The following CPNE1 variants were observed in gnomAD, a reference collection of about 807,000 sequenced individuals.
CPNE1 encodes copine 1, also known as copine-1.
A neutral mutation model predicts 63.2 loss-of-function variants in CPNE1; 58 were observed. The observed-to-expected ratio is 0.92, with a 90% CI of 0.74 to 1.14. The LOEUF (loss-of-function observed/expected upper bound fraction) is 1.14, where lower values mean the gene tolerates loss of function less well. CPNE1 is among the 50% of genes most tolerant of loss of function. The pLI is 0.00. For missense variants in CPNE1, 672 were observed against 661.7 expected, an observed-to-expected ratio of 1.02 and a Z score of -0.17; for synonymous variants, 237 against 249.0, an observed-to-expected ratio of 0.95 and a Z score of 0.45.
intron 1 of CPNE1, chr20:35,653,514 G>A: frequency 6.2e-7 from 1 of 1,614,194 alleles, no homozygotes; most frequent in Non-Finnish European, 8.5e-7. Flanking sequence ...TACGGTGTAA[G>A]CGTTCAGACT....
At position 35,626,352 on chromosome 20, in the gene CPNE1, C is replaced by G. The variant is rs767467289; in HGVS notation, c.1503G>C (p.Val501=). ...NAPREALAQT[V]LAEVPTQLVS... ...CCAGTTGTGTGGGCACTTCTGCGAG[C>G]ACGGTCTGTGCCAATGCCTCCCGAG... Residue 501 remains valine, a synonymous_variant, in exon 16 of 16, where the codon GTG becomes GTC. Coordinates refer to ENST00000397443, the MANE Select transcript of CPNE1 (RefSeq NM_152925.3). 2 of 1,614,124 alleles carry G rather than the reference C, an allele frequency of 1.2e-6. No individual in the cohort carries two copies. Among genetic ancestry groups the G allele is most frequent in the South Asian group, 1.1e-5 (1 of 91,082 alleles).
chr20:35,652,388 G>A, intron 1 of CPNE1: 1 of 986,562 alleles, frequency 1.0e-6, no homozygotes, highest in African/African-American at 1.6e-5. Context: ...GTCAACCAAT[G>A]CTCTATGTTA....
intron 1 of CPNE1, chr20:35,654,894 G>A (rs2033803051): frequency 6.2e-7 from 1 of 1,614,028 alleles, no homozygotes; most frequent in Non-Finnish European, 8.5e-7. Flanking sequence ...TGTTTTTGTT[G>A]CTTTCATGAA....
intron 1 of CPNE1, chr20:35,651,825 T>G (rs540984941): frequency 1.3e-5 from 2 of 152,770 alleles, no homozygotes; most frequent in East Asian, 3.9e-4. Flanking sequence ...CACACAGTTT[T>G]AAGTGTGACA....
chr20:35,634,465 G>A (rs1424275943), intron 1 of CPNE1, among the ~76,000 whole-genome samples: 2 of 151,450 alleles, frequency 1.3e-5, no homozygotes, highest in Non-Finnish European at 2.9e-5. Context: ...ATGGTGGTGG[G>A]CGCCTGTAAT....
rs2032176337 is a variant in CPNE1 at position 35,631,967 on chromosome 20, C to T, written c.515G>A (p.Trp172Ter). ...LEFFRQGDGKWHLVYRSEVIK... is the reference protein window; with the variant it reads ...LEFFRQGDGK ...TACCTCAGATCTGTACACCAGGTGCCATTTCCCATCACCCTGGCGGAAGAA... is the reference window on the plus strand; with the variant it reads ...TACCTCAGATCTGTACACCAGGTGCTATTTCCCATCACCCTGGCGGAAGAA... Residue 172 changes from tryptophan (W) to a stop codon, truncating the protein, a stop_gained, in exon 6 of 16, where the codon TGG becomes TAG. Coordinates refer to ENST00000397443, the MANE Select transcript of CPNE1 (RefSeq NM_152925.3). LOFTEE classifies it high-confidence loss of function. 1 of 1,614,018 alleles carries T rather than the reference C, an allele frequency of 6.2e-7. No individual in the cohort carries two copies. Among genetic ancestry groups the T allele is most frequent in the Non-Finnish European group, 8.5e-7 (1 of 1,180,010 alleles).
rs768763580 is a variant in CPNE1, at chr20:35,632,240, T to C, written c.385-6A>G. ...TTTAATTCCTGAGCTGAGACCTAGG[T>C]AGGGGAGACTACATCACCTCATGAA... On this transcript the variant is annotated splice_region_variant and splice_polypyrimidine_tract_variant and intron_variant, in intron 4 of 15. Transcript: ENST00000397443. The C allele has an allele frequency of 1.9e-6, 3 of 1,613,928 alleles. No homozygotes were observed. The highest frequency in any genetic ancestry group is 2.5e-6 in the Non-Finnish European group (3 of 1,179,814).
chr20:35,646,842 T>C (rs1296425735), intron 1 of CPNE1, among the ~76,000 whole-genome samples: 3 of 152,170 alleles, frequency 2.0e-5, no homozygotes, highest in Admixed American at 1.3e-4. Context: ...TCTCCTATCA[T>C]GAAATGGCAA....
intron 1 of CPNE1, chr20:35,654,065 A>G: frequency 6.2e-7 from 1 of 1,614,172 alleles, no homozygotes; most frequent in Admixed American, 1.7e-5. Flanking sequence ...CTTGACCTTG[A>G]TCTTTTCTGC....
At chr20:35,652,570 T>C (rs1189366788) in intron 1 of CPNE1, 10 of 1,614,172 alleles carry the variant, frequency 6.2e-6, no homozygotes, top group Non-Finnish European at 8.5e-6. Flanking sequence ...AGGCCTGTCA[T>C]TTAAGTCAAT....
At chr20:35,633,711 G>A (rs1431025283) in intron 1 of CPNE1, among the ~76,000 whole-genome samples, 4 of 152,142 alleles carry the variant, frequency 2.6e-5, no homozygotes, top group African/African-American at 9.7e-5. Context: ...CTGGCACTTT[G>A]GGAGGCCAAG....
chr20:35,649,702 T>C (rs2033366985), intron 1 of CPNE1: 1 of 152,424 alleles, frequency 6.6e-6, no homozygotes, highest in Non-Finnish European at 1.5e-5. Flanking sequence ...TGCTTATTTA[T>C]GACATACATT....
intron 1 of CPNE1, among the ~76,000 whole-genome samples, chr20:35,645,930 T>G (rs969002557): frequency 6.6e-6 from 1 of 151,958 alleles, no homozygotes; most frequent in African/African-American, 2.4e-5. Context: ...TGGTACCAGT[T>G]GGTGTGATTT....
chr20:35,631,953 T>G lies in CPNE1; in HGVS notation c.529A>C (p.Arg177=). The G allele has an allele frequency of 6.2e-7, 1 of 1,613,744 alleles. No individual in the cohort carries two copies. Among genetic ancestry groups the G allele is most frequent in the Non-Finnish European group, 8.5e-7 (1 of 1,179,730 alleles). ...TCCCAGGGGTCTCATACCTCAGATC[T>G]GTACACCAGGTGCCATTTCCCATCA... The part of the protein sequence containing the change: ...QGDGKWHLVY[R]SEVIKNNLNP... Residue 177 remains arginine (R), a synonymous_variant, in exon 6 of 16, where the codon AGA becomes CGA. Coordinates refer to ENST00000397443, the MANE Select transcript of CPNE1 (RefSeq NM_152925.3).
intron 13 of CPNE1, 45 bp downstream of exon 13, chr20:35,630,393 CT>C (rs765877644): frequency 6.5e-7 from 1 of 1,542,816 alleles, no homozygotes. Flanking sequence ...AGGCTTGCCC[CT>C]CTTTGTGTGG....
chr20:35,646,831 A>G (rs2033132306), intron 1 of CPNE1, among the ~76,000 whole-genome samples: 1 of 152,202 alleles, frequency 6.6e-6, no homozygotes, highest in Non-Finnish European at 1.5e-5. Flanking sequence ...CGAAATAGTC[A>G]TCTCCTATCA....
intron 1 of CPNE1, among the ~76,000 whole-genome samples, chr20:35,656,611 G>A (rs142393403): frequency 0.032 from 4,846 of 152,174 alleles, 264 homozygotes; most frequent in African/African-American, 0.11. Flanking sequence ...CTCGGTTCAC[G>A]GCAACCTCCA....
At position 35,632,792 on chromosome 20, in the gene CPNE1, C is replaced by T. The variant is rs1406067588; in HGVS notation, c.129+3G>A. 1 of 871,742 alleles carries T rather than the reference C, an allele frequency of 1.1e-6. No homozygotes were observed. The highest frequency in any genetic ancestry group is 2.0e-6 in the Non-Finnish European group (1 of 501,076). The allele number at this position is 871,742 out of a possible 1,614,324, so 54.0% of individuals were successfully genotyped here. On this transcript the variant is annotated splice_donor_region_variant and intron_variant, in intron 2 of 15. Transcript: ENST00000397443. ...CAACCTTAACCTCCATAATCCGCCTCACCTCAGCCCAGCTGCCCCCTCCCA... is the reference window on the plus strand; with the variant it reads ...CAACCTTAACCTCCATAATCCGCCTTACCTCAGCCCAGCTGCCCCCTCCCA...
intron 8 of CPNE1, 59 bp downstream of exon 8, chr20:35,631,416 GCCTTCTCCTTCCTCTCT>G: frequency 6.2e-7 from 1 of 1,600,400 alleles, no homozygotes; most frequent in South Asian, 1.1e-5. Flanking sequence ...GACTCGAGCT[GCCTTCTCCTTCCTCTCT>G]CCCACAAGCT....
Sources: allele counts gnomAD v4.1 joint callset (sites outside exome capture counted in the v4.1 genomes callset), GRCh38; gene constraint gnomAD v4.1.1; transcripts MANE v1.5; gene names NCBI Gene and HGNC (gene_info 2026-07-23, HGNC 2026-07-21).